CTNNA3: variants seen among roughly 807,000 people sequenced by gnomAD.
CTNNA3 encodes the protein catenin alpha 3.
A neutral mutation model predicts 95.7 loss-of-function variants in CTNNA3; 76 were observed. The ratio of observed to expected loss-of-function variants is 0.79; its 90% CI spans 0.66 to 0.96. The LOEUF (loss-of-function observed/expected upper bound fraction) is 0.96. Among genes scored for constraint, CTNNA3 ranks in the 40% least tolerant of loss-of-function variants. The pLI is 0.00. For missense variants in CTNNA3, 1,191 were observed against 1,089.8 expected (o/e 1.09, Z -1.31); for synonymous variants, 431 against 374.4 (o/e 1.15, Z -1.74).
chr10:66,888,745 C>A (rs1312017804), intron 7 of CTNNA3, among the ~76,000 whole-genome samples: 1 of 152,164 alleles, frequency 6.6e-6, no homozygotes, highest in East Asian at 1.9e-4. Flanking sequence ...TATGAAACAA[C>A]AGGAACTCTC....
At chr10:66,264,916 A>G (rs1304085561) in intron 13 of CTNNA3, among the ~76,000 whole-genome samples, 1 of 152,048 alleles carries the variant, frequency 6.6e-6, no homozygotes, top group African/African-American at 2.4e-5. Flanking sequence ...AAGAGCAAGC[A>G]AAACAATACT....
At chr10:66,568,587 C>T (rs935954802) in intron 10 of CTNNA3, among the ~76,000 whole-genome samples, 7 of 151,946 alleles carry the variant, frequency 4.6e-5, no homozygotes, top group Admixed American at 2.0e-4. Flanking sequence ...ATTTTTAGAG[C>T]TCAGAATTGG....
chr10:67,248,582 GT>G (rs1217344136), intron 5 of CTNNA3, among the ~76,000 whole-genome samples: 1 of 151,836 alleles, frequency 6.6e-6, no homozygotes, highest in Non-Finnish European at 1.5e-5. Flanking sequence ...CACTTGGCTG[GT>G]TTTTGCTTTT....
chr10:66,889,712 T>C (rs1333760057), intron 7 of CTNNA3, among the ~76,000 whole-genome samples: 1 of 150,890 alleles, frequency 6.6e-6, no homozygotes, highest in Non-Finnish European at 1.5e-5. Context: ...GAGGGAGAAA[T>C]CAAAAAGGGC....
At chr10:67,330,749 G>GA (rs1441720213) in intron 5 of CTNNA3, among the ~76,000 whole-genome samples, 7 of 151,724 alleles carry the variant, frequency 4.6e-5, no homozygotes, top group Admixed American at 4.6e-4. Context: ...AAGTTAGGCA[G>GA]AAAATCTAAA....
intron 11 of CTNNA3, among the ~76,000 whole-genome samples, chr10:66,463,236 GC>G (rs2093541522): frequency 6.6e-6 from 1 of 152,130 alleles, no homozygotes; most frequent in Admixed American, 6.6e-5. Context: ...ATGGCCTGGT[GC>G]CCTTCTCAAA....
At chr10:67,299,046 G>A (rs970613073) in intron 5 of CTNNA3, among the ~76,000 whole-genome samples, 5 of 151,960 alleles carry the variant, frequency 3.3e-5, no homozygotes, top group East Asian at 1.9e-4. Flanking sequence ...CTACAAGCAC[G>A]CACCACCACA....
chr10:67,564,677 G>GTATATATATAAATATATATATATATA (rs1554854251), intron 3 of CTNNA3, among the ~76,000 whole-genome samples: 1 of 61,334 alleles, frequency 1.6e-5, no homozygotes, highest in Non-Finnish European at 3.1e-5. Context: ...GTGTGTGTGT[G>GTATATATATAAATATATATATATATA]TATATATATA....
At chr10:66,432,782 C>T (rs1237197803) in intron 11 of CTNNA3, among the ~76,000 whole-genome samples, 1 of 152,000 alleles carries the variant, frequency 6.6e-6, no homozygotes, top group Non-Finnish European at 1.5e-5. Context: ...TCAGGTATTT[C>T]TCCTAATGCT....
chr10:66,172,803 A>C (rs1233788316), intron 13 of CTNNA3, among the ~76,000 whole-genome samples: 3 of 152,190 alleles, frequency 2.0e-5, no homozygotes, highest in African/African-American at 7.2e-5. Context: ...GCTACAAAAA[A>C]TTTCATCATT....
chr10:66,824,808 G>A (rs1459002304), intron 7 of CTNNA3, among the ~76,000 whole-genome samples: 2 of 152,112 alleles, frequency 1.3e-5, no homozygotes, highest in Admixed American at 6.6e-5. Context: ...CTAAGGAGAC[G>A]TGGTGACTAA....
chr10:67,206,164 G>A (rs1390790171), intron 6 of CTNNA3, among the ~76,000 whole-genome samples: 1 of 152,134 alleles, frequency 6.6e-6, no homozygotes, highest in African/African-American at 2.4e-5. Flanking sequence ...AAATTACCAG[G>A]TGAGTTTAGG....
chr10:67,592,397 C>G (rs1452427018), intron 3 of CTNNA3, among the ~76,000 whole-genome samples: 6 of 152,078 alleles, frequency 3.9e-5, no homozygotes, highest in Admixed American at 2.0e-4. Flanking sequence ...CTGTAACATT[C>G]CCTCCCACTC....
In CTNNA3 at chr10:66,766,525, A is replaced by G. The variant is rs988540008; in HGVS notation, c.1129-109T>C. On this transcript the variant is annotated intron_variant, in intron 8 of 17. Coordinates refer to ENST00000433211, the MANE Select transcript of CTNNA3 (RefSeq NM_013266.4). ...ACAACTCATTTTTCATTTTTGCACA[A>G]TTCCTAAAATCACAATACTTAAAGA... The G allele has an allele frequency of 3.2e-6, 3 of 940,968 alleles. No homozygotes were observed. In the African/African-American group the frequency reaches 4.9e-5, roughly 16 times the overall value. 58.3% of individuals were successfully genotyped at this position (940,968 alleles called of 1,614,324 possible).
At chr10:66,875,292 G>A (rs1844572469) in intron 7 of CTNNA3, among the ~76,000 whole-genome samples, 1 of 151,718 alleles carries the variant, frequency 6.6e-6, no homozygotes, top group Admixed American at 6.6e-5. Flanking sequence ...GTCCCAAAAG[G>A]CTACAGCTGA....
At chr10:66,691,315 C>T (rs1847527298) in intron 9 of CTNNA3, among the ~76,000 whole-genome samples, 1 of 152,196 alleles carries the variant, frequency 6.6e-6, no homozygotes, top group Admixed American at 6.5e-5. Context: ...ATATCCCACA[C>T]ATGGCTTGCA....
chr10:67,756,691 A>G (rs1841435504), intron 1 of CTNNA3, among the ~76,000 whole-genome samples: 1 of 152,190 alleles, frequency 6.6e-6, no homozygotes, highest in African/African-American at 2.4e-5. Context: ...GAAAGTGGGG[A>G]GTGAAGAGTG....
At chr10:66,624,436 G>A (rs1162771409) in intron 9 of CTNNA3, among the ~76,000 whole-genome samples, 1 of 152,106 alleles carries the variant, frequency 6.6e-6, no homozygotes, top group African/African-American at 2.4e-5. Context: ...TACTCTCAGA[G>A]GTTTTGTAGA....
intron 5 of CTNNA3, among the ~76,000 whole-genome samples, chr10:67,250,220 A>AG (rs1263518003): frequency 6.0e-5 from 9 of 151,158 alleles, no homozygotes; most frequent in African/African-American, 2.2e-4. Flanking sequence ...CAGAGGGCCA[A>AG]CTTTTTTTTT....
Sources: gnomAD v4.1 joint callset for allele counts (sites outside exome capture counted in the v4.1 genomes callset) on GRCh38, gnomAD v4.1.1 for gene constraint, MANE v1.5 for transcripts, NCBI Gene and HGNC (gene_info 2026-07-23, HGNC 2026-07-21) for gene names.